The following PCYT1A variants were observed in gnomAD, a reference collection of about 807,000 sequenced individuals.
PCYT1A encodes the protein choline-phosphate cytidylyltransferase A.
In PCYT1A, 25 loss-of-function variants were observed where a neutral mutation model predicts 43.7. That is an observed-to-expected ratio of 0.57 (90% CI 0.42 to 0.80). The LOEUF is 0.80. Ranked by LOEUF, PCYT1A falls within the 30% of genes least tolerant of loss-of-function variation. The pLI is 0.00. For missense variants in PCYT1A, 421 were observed against 474.2 expected (o/e 0.89, Z 1.04); for synonymous variants, 172 against 170.7 (o/e 1.01, Z -0.06).
intron 2 of PCYT1A, among the ~76,000 whole-genome samples, chr3:196,258,612 G>A (rs1439975982): frequency 6.7e-6 from 1 of 149,600 alleles, no homozygotes; most frequent in African/African-American, 2.5e-5. Context: ...TTTTTTGAGA[G>A]GGTCCAGCTC....
At position 196,239,387 on chromosome 3, in the gene PCYT1A, G is replaced by A. The variant is rs1580820; in HGVS notation, c.897+160C>T. ...GAATGTGTAACGTCTTTCTGTAAAGGTTTCAAAAACCTTGCTGGGGACAGT... is the reference window on the plus strand; with the variant it reads ...GAATGTGTAACGTCTTTCTGTAAAGATTTCAAAAACCTTGCTGGGGACAGT... On this transcript the variant is annotated intron_variant, in intron 8 of 8. Transcript: ENST00000431016. 0.91 allele frequency among the ~76,000 whole-genome samples: 137,941 copies of A among 152,290 alleles called. 62,710 individuals are homozygous for A. Among genetic ancestry groups the A allele is most frequent in the East Asian group, 1 (5,184 of 5,188 alleles).
At chr3:196,246,525 T>C (rs957338127) in intron 5 of PCYT1A, among the ~76,000 whole-genome samples, 5 of 152,060 alleles carry the variant, frequency 3.3e-5, no homozygotes, top group Admixed American at 3.3e-4. Context: ...CGTGAGCCAC[T>C]GCACCTGGCT....
At chr3:196,253,731 A>G (rs1724870513) in intron 3 of PCYT1A, among the ~76,000 whole-genome samples, 1 of 152,026 alleles carries the variant, frequency 6.6e-6, no homozygotes. Flanking sequence ...TTCCATCCCA[A>G]GTCTTTGGCA....
Position 196,242,902 on chromosome 3 carries a change from A to G in PCYT1A, c.487-262T>C, listed in dbSNP as rs2108763065. The G allele has an allele frequency of 4.2e-6, 2 of 481,572 alleles. No homozygotes were observed. The highest frequency in any genetic ancestry group is 6.8e-5 in the Admixed American group (2 of 29,584). The allele number at this position is 481,572 out of a possible 1,614,324, so 29.8% of individuals were successfully genotyped here. ...GCTAGAACTGTTACCCTCACTCTGT[A>G]TACCAGTCATCTTGCTGTGGTCAAT... On this transcript the variant is annotated intron_variant, in intron 5 of 8. Transcript: ENST00000431016. This position sits in a 1 kb window ranked among gnomAD's most constrained non-coding sequence, Gnocchi z 4.2.
chr3:196,263,534 CCA>C lies in PCYT1A; in HGVS notation c.118-5649_118-5648del, dbSNP rs137998702. ...GCTTGGCCCAATTCTTTCAATAATG[CCA>C]CGGGAAACGCTACAGAGTCAAGAGG... On this transcript the variant is annotated intron_variant, in intron 2 of 8. Transcript: ENST00000431016. Among the ~76,000 whole-genome samples the C allele has an allele frequency of 4.3e-3, 659 of 151,948 alleles. 16 individuals are homozygous for C. In the South Asian group the frequency reaches 0.07, roughly 16 times the overall value.
intron 1 of PCYT1A, among the ~76,000 whole-genome samples, chr3:196,278,913 A>G (rs955870694): frequency 6.7e-6 from 1 of 148,902 alleles, no homozygotes; most frequent in Non-Finnish European, 1.5e-5. Context: ...CCCAGGATGC[A>G]GAGGTTGCAG....
chr3:196,242,008 A>G lies in PCYT1A; in HGVS notation c.648T>C (p.Tyr216=), dbSNP rs757803382. ...ITRIVRDYDV[Y]ARRNLQRGYT... is the part of the protein sequence containing the mutation. ...AGCCCCTCTGCAGGTTCCGCCTCGC[A>G]TACACATCATAATCCCGCACAATTC... is the stretch of plus-strand genomic sequence containing the variant. Residue 216 remains tyrosine, a synonymous_variant, in exon 7 of 9, where the codon TAT becomes TAC. Coordinates refer to ENST00000431016, the MANE Select transcript of PCYT1A (RefSeq NM_001312673.2). The surrounding 1 kb of genome is among the most constrained non-coding windows in gnomAD (Gnocchi z 4.2). 8 of 1,614,186 alleles carry G rather than the reference A, an allele frequency of 5.0e-6. No individual in the cohort carries two copies. The South Asian group carries it at 7.7e-5, about 16-fold the overall frequency.
At chr3:196,278,924 T>A (rs1725670577) in intron 1 of PCYT1A, among the ~76,000 whole-genome samples, 1 of 142,172 alleles carries the variant, frequency 7.0e-6, no homozygotes, top group Non-Finnish European at 1.5e-5. Flanking sequence ...GAGGTTGCAG[T>A]GAGCCAAGAT....
At chr3:196,265,713 A>G (rs1383185893) in intron 2 of PCYT1A, among the ~76,000 whole-genome samples, 1 of 151,658 alleles carries the variant, frequency 6.6e-6, no homozygotes, top group East Asian at 2.0e-4. Context: ...GCTTGAGCCC[A>G]GGGCAACAGA....
At chr3:196,280,622 T>G (rs2047551) in intron 1 of PCYT1A, among the ~76,000 whole-genome samples, 51,068 of 141,748 alleles carry the variant, frequency 0.36, 9,975 homozygotes, top group East Asian at 0.82. Flanking sequence ...TGGCTGAATC[T>G]GCGGATGTGG....
intron 2 of PCYT1A, among the ~76,000 whole-genome samples, chr3:196,267,531 T>C (rs983285049): frequency 6.6e-5 from 10 of 151,892 alleles, no homozygotes; most frequent in African/African-American, 2.4e-4. Flanking sequence ...CTGGGTAACA[T>C]AGTGAGACCC....
rs1724176141 is a variant in PCYT1A at position 196,236,765 on chromosome 3, C to T, written c.*1923G>A. The T allele has an allele frequency of 6.6e-6, 1 of 152,304 alleles. No individual in the cohort carries two copies. Among genetic ancestry groups the T allele is most frequent in the South Asian group, 2.1e-4 (1 of 4,834 alleles). 9.4% of individuals were successfully genotyped at this position (152,304 alleles called of 1,614,324 possible). On this transcript the variant is annotated 3_prime_UTR_variant, in exon 9 of 9. Coordinates refer to ENST00000431016, the MANE Select transcript of PCYT1A (RefSeq NM_001312673.2). Reference sequence around the variant, plus strand: ...CACTGCAACCTCCGCCTCCTGGGTTCAAGGGATTCTCCTGCCTCAGCCTCC... The same window carrying T: ...CACTGCAACCTCCGCCTCCTGGGTTTAAGGGATTCTCCTGCCTCAGCCTCC...
chr3:196,238,448 G>GC lies in PCYT1A; in HGVS notation c.*239_*240insG. ...TAAACAGTGAAACAAAGCCCTTGGGGGGGGGTAAATGGATGCAGAGCAGGC... is the reference window on the plus strand; with the variant it reads ...TAAACAGTGAAACAAAGCCCTTGGGGCGGGGGTAAATGGATGCAGAGCAGGC... On this transcript the variant is annotated 3_prime_UTR_variant, in exon 9 of 9. Coordinates refer to ENST00000431016, the MANE Select transcript of PCYT1A (RefSeq NM_001312673.2). 2.8e-6 allele frequency: 1 copy of GC among 361,398 alleles called. No homozygotes were observed. Among genetic ancestry groups the GC allele is most frequent in the Non-Finnish European group, 5.0e-6 (1 of 201,572 alleles). The allele number at this position is 361,398 out of a possible 1,614,324, so 22.4% of individuals were successfully genotyped here.
chr3:196,270,667 A>T, intron 1 of PCYT1A, 126 bp from the exon 2 acceptor site: 2 of 747,686 alleles, frequency 2.7e-6, no homozygotes, highest in Non-Finnish European at 4.8e-6. Context: ...CACTTCACCA[A>T]GATGAGCCAA....
chr3:196,267,801 T>C (rs1388388002), intron 2 of PCYT1A, among the ~76,000 whole-genome samples: 2 of 152,146 alleles, frequency 1.3e-5, no homozygotes, highest in East Asian at 1.9e-4. Context: ...CTGAATTGTA[T>C]ACTGTAAATG....
Position 196,252,898 on chromosome 3 carries a change from T to TA in PCYT1A, c.218-4576dup, listed in dbSNP as rs1384369091. Among the ~76,000 whole-genome samples, 39 of 141,986 alleles carry TA rather than the reference T, an allele frequency of 2.7e-4. No individual in the cohort carries two copies. The highest frequency in any genetic ancestry group is 8.9e-4 in the African/African-American group (36 of 40,510). 93.1% of individuals were successfully genotyped at this position (141,986 alleles called of 152,430 possible). A position where few individuals can be genotyped will look rare whatever the true frequency, so the allele number is the denominator to read the frequency against. On this transcript the variant is annotated intron_variant, in intron 3 of 8. Transcript: ENST00000431016. The surrounding 1 kb of genome is among the most constrained non-coding windows in gnomAD (Gnocchi z 4.0). ...TTTTTTACTGCCAGCATGTGTCAAC[T>TA]AAAAAAAAAGAAGAAAAAAATATTT...
intron 1 of PCYT1A, chr3:196,283,574 T>C (rs143065532): frequency 7.9e-5 from 12 of 152,300 alleles, no homozygotes; most frequent in African/African-American, 2.9e-4. Context: ...TTGAATTTAC[T>C]GGCTAAATTG....
chr3:196,276,069 T>A lies in PCYT1A; in HGVS notation c.-10-5528A>T, dbSNP rs568654814. On this transcript the variant is annotated intron_variant, in intron 1 of 8. Coordinates refer to ENST00000431016, the MANE Select transcript of PCYT1A (RefSeq NM_001312673.2). ...CCGAGATCGTGCCACTGCACTCCAGTCTGGGCGCCAGAGTGAGACTCCGTC... is the reference window on the plus strand; with the variant it reads ...CCGAGATCGTGCCACTGCACTCCAGACTGGGCGCCAGAGTGAGACTCCGTC... Among the ~76,000 whole-genome samples, 131 of 149,132 alleles carry A rather than the reference T, an allele frequency of 8.8e-4. 1 individual carries two copies. Among genetic ancestry groups the A allele is most frequent in the African/African-American group, 3.0e-3 (120 of 40,496 alleles).
chr3:196,241,924 C>T, intron 7 of PCYT1A, 24 bp downstream of exon 7: 2 of 1,613,944 alleles, frequency 1.2e-6, no homozygotes, highest in Non-Finnish European at 1.7e-6. Context: ...AGTCAGGGAA[C>T]TCTGGGGTAA....
Sources: allele counts gnomAD v4.1 joint callset (sites outside exome capture counted in the v4.1 genomes callset), GRCh38; gene constraint gnomAD v4.1.1; non-coding constraint Gnocchi (gnomAD v3.1); transcripts MANE v1.5; gene names NCBI Gene and HGNC (gene_info 2026-07-23, HGNC 2026-07-21).